PTPRK: variants seen among roughly 807,000 people sequenced by gnomAD.
The protein encoded by PTPRK is protein tyrosine phosphatase receptor type K.
In PTPRK, 75 loss-of-function variants were observed where a neutral mutation model predicts 178.0. The ratio of observed to expected loss-of-function variants is 0.42; its 90% CI spans 0.35 to 0.51. The LOEUF (loss-of-function observed/expected upper bound fraction) is 0.51, where lower values mean the gene tolerates loss of function less well. Ranked by LOEUF, PTPRK falls within the 20% of genes least tolerant of loss-of-function variation. The probability of loss-of-function intolerance (pLI) is 0.02; values close to 1 mark genes in which losing one functional copy is unlikely to be tolerated. For missense variants in PTPRK, 1,441 were observed against 1,797.8 expected (o/e 0.80, Z 3.59); for synonymous variants, 637 against 620.6 (o/e 1.03, Z -0.39).
intron 6 of PTPRK, among the ~76,000 whole-genome samples, chr6:128,201,123 T>C (rs1472498829): frequency 6.6e-6 from 1 of 152,200 alleles, no homozygotes; most frequent in East Asian, 1.9e-4. Context: ...TATTAAATTC[T>C]ATGTAATTTA....
At chr6:128,093,596 CAAAAAAAAAA>C (rs1172145765) in intron 7 of PTPRK, among the ~76,000 whole-genome samples, 4 of 6,276 alleles carry the variant, frequency 6.4e-4, no homozygotes, top group African/African-American at 1.0e-3. Context: ...GACTCTCTCT[CAAAAAAAAAA>C]AAAAAAAAAA....
chr6:128,176,473 C>A lies in PTPRK; in HGVS notation c.1162+7959G>T, dbSNP rs190914637. ...TAAAATGAACATCACTCAATGATTT[C>A]TAGGCCATATCATATGTAGTGACAG... On this transcript the variant is annotated intron_variant, in intron 7 of 29. Transcript: ENST00000368226. Among the ~76,000 whole-genome samples, 8 of 151,878 alleles carry A rather than the reference C, an allele frequency of 5.3e-5. No homozygotes were observed. The Admixed American group carries it at 5.3e-4, about 10-fold the overall frequency.
chr6:128,112,139 A>C (rs550634114), intron 7 of PTPRK, among the ~76,000 whole-genome samples: 2 of 152,240 alleles, frequency 1.3e-5, no homozygotes, highest in African/African-American at 4.8e-5. Flanking sequence ...TTGCTCAACA[A>C]ATATGTTAAT....
chr6:127,973,197 C>A (rs768171129), intron 28 of PTPRK, 40 bp from the exon 29 acceptor site: 1 of 1,611,912 alleles, frequency 6.2e-7, no homozygotes, highest in Non-Finnish European at 8.5e-7. Flanking sequence ...GATAGCAGCA[C>A]CAAGTGACCA....
At chr6:128,462,379 ATCT>A (rs2128412794) in intron 1 of PTPRK, among the ~76,000 whole-genome samples, 1 of 152,074 alleles carries the variant, frequency 6.6e-6, no homozygotes, top group African/African-American at 2.4e-5. Context: ...CCAAAATATT[ATCT>A]TCAATATGTA....
intron 1 of PTPRK, among the ~76,000 whole-genome samples, chr6:128,508,617 T>C (rs775962783): frequency 6.6e-6 from 1 of 152,160 alleles, no homozygotes; most frequent in Non-Finnish European, 1.5e-5. Flanking sequence ...TGGTTTCAGT[T>C]GCCCTTGGCC....
intron 1 of PTPRK, among the ~76,000 whole-genome samples, chr6:128,486,667 G>A (rs566269954): frequency 6.6e-6 from 1 of 152,130 alleles, no homozygotes; most frequent in South Asian, 2.1e-4. Context: ...GCCAGGCATG[G>A]AGGCATGTGC....
chr6:128,167,797 T>C (rs1171653166), intron 7 of PTPRK, among the ~76,000 whole-genome samples: 1 of 152,060 alleles, frequency 6.6e-6, no homozygotes. Context: ...ATACAACTGA[T>C]GATTCACCTT....
At chr6:128,348,947 CCTAT>C (rs1339562775) in intron 2 of PTPRK, among the ~76,000 whole-genome samples, 9 of 152,000 alleles carry the variant, frequency 5.9e-5, no homozygotes, top group Non-Finnish European at 1.2e-4. Context: ...TAAAAATCCA[CCTAT>C]CTAAGAATGT....
chr6:128,335,441 CAAAA>C lies in PTPRK; in HGVS notation c.224-13135_224-13132del, dbSNP rs10585655. On this transcript the variant is annotated intron_variant, in intron 2 of 29. Transcript: ENST00000368226. Reference sequence around the variant, plus strand: ...AAATAAAAGCAAAAGGGAATGATAACAAAAAAAAAAAAAAAAAATGAGAGACTGG... The same window carrying C: ...AAATAAAAGCAAAAGGGAATGATAACAAAAAAAAAAAAAATGAGAGACTGG... Among the ~76,000 whole-genome samples, 41 of 109,770 alleles carry C rather than the reference CAAAA, an allele frequency of 3.7e-4. 1 individual carries two copies. The highest frequency in any genetic ancestry group is 1.2e-3 in the African/African-American group (38 of 30,554). The allele number at this position is 109,770 out of a possible 152,430, so 72.0% of individuals were successfully genotyped here.
chr6:128,464,638 C>CATATATATATATACACATATATATAT (rs1849544400), intron 1 of PTPRK, among the ~76,000 whole-genome samples: 5 of 48,600 alleles, frequency 1.0e-4, no homozygotes, highest in African/African-American at 4.7e-4. Context: ...TATATATACA[C>CATATATATATATACACATATATATAT]ATATATATAT....
At chr6:128,303,828 A>G (rs2128313290) in intron 3 of PTPRK, among the ~76,000 whole-genome samples, 1 of 152,274 alleles carries the variant, frequency 6.6e-6, no homozygotes, top group South Asian at 2.1e-4. Flanking sequence ...AGAGCATACA[A>G]TTTTCATAAT....
chr6:127,978,512 G>A (rs1236812646), intron 25 of PTPRK, among the ~76,000 whole-genome samples: 1 of 152,170 alleles, frequency 6.6e-6, no homozygotes, highest in Non-Finnish European at 1.5e-5. Flanking sequence ...CTGTGGAACT[G>A]TGAGTCAATT....
chr6:128,443,569 G>A (rs759978643), intron 1 of PTPRK, among the ~76,000 whole-genome samples: 1 of 152,294 alleles, frequency 6.6e-6, no homozygotes, highest in South Asian at 2.1e-4. Flanking sequence ...CTAAAACGGT[G>A]AGGTTGGGGT....
rs776558179 is a variant in PTPRK, at chr6:127,998,681, T to G, written c.2679+39A>C. 15 of 1,489,828 alleles carry G rather than the reference T, an allele frequency of 1.0e-5. No individual in the cohort carries two copies. The South Asian group carries it at 1.4e-4, about 13-fold the overall frequency. 92.3% of individuals were successfully genotyped at this position (1,489,828 alleles called of 1,614,324 possible). On this transcript the variant is annotated intron_variant, in intron 16 of 29. Coordinates refer to ENST00000368226, the MANE Select transcript of PTPRK (RefSeq NM_002844.4). Reference sequence around the variant, plus strand: ...TGCTAAATTCCACTGAGTATCATAGTTAAAAATCAAATTCAATACAGTATC... The same window carrying G: ...TGCTAAATTCCACTGAGTATCATAGGTAAAAATCAAATTCAATACAGTATC...
At chr6:128,041,148 T>C (rs997670691) in intron 13 of PTPRK, among the ~76,000 whole-genome samples, 54 of 152,112 alleles carry the variant, frequency 3.6e-4, no homozygotes, top group African/African-American at 1.2e-3. Context: ...ACATAATTTA[T>C]TTGAGAAAAC....
chr6:128,022,617 T>C (rs1267894870), intron 13 of PTPRK, among the ~76,000 whole-genome samples: 1 of 152,112 alleles, frequency 6.6e-6, no homozygotes, highest in African/African-American at 2.4e-5. Flanking sequence ...AAAATCTTCA[T>C]TGATTTTGAA....
At chr6:128,507,595 GCTGCCCA>G (rs1361881049) in intron 1 of PTPRK, among the ~76,000 whole-genome samples, 1 of 152,094 alleles carries the variant, frequency 6.6e-6, no homozygotes, top group Non-Finnish European at 1.5e-5. Flanking sequence ...CTCTCTTGTG[GCTGCCCA>G]CTAGACAGGG....
intron 1 of PTPRK, among the ~76,000 whole-genome samples, chr6:128,463,742 T>G (rs1183068546): frequency 1.0e-5 from 1 of 97,464 alleles, no homozygotes; most frequent in Non-Finnish European, 2.1e-5. Flanking sequence ...ATCTTCACGG[T>G]TTTTTTTTTT....
Sources: gnomAD v4.1 joint callset for allele counts (sites outside exome capture counted in the v4.1 genomes callset) on GRCh38, gnomAD v4.1.1 for gene constraint, MANE v1.5 for transcripts, NCBI Gene and HGNC (gene_info 2026-07-23, HGNC 2026-07-21) for gene names.